WNK1: variants seen among roughly 807,000 people sequenced by gnomAD.
The protein encoded by WNK1 is WNK lysine deficient protein kinase 1, also known as serine/threonine-protein kinase WNK1.
WNK1 carries 38 observed loss-of-function variants against 222.8 expected under a neutral mutation model. The observed-to-expected ratio is 0.17, with a 90% CI of 0.13 to 0.22. WNK1 has a LOEUF of 0.22. Ranked by LOEUF, WNK1 falls within the 10% of genes least tolerant of loss-of-function variation. WNK1 has a pLI of 1.00. For synonymous variants in WNK1, 1,090 were observed against 1,092.9 expected (o/e 1.00, Z 0.05); for missense variants, 2,348 against 2,918.4 (o/e 0.80, Z 4.50).
intron 8 of WNK1, among the ~76,000 whole-genome samples, chr12:870,267 A>G (rs1565553273): frequency 6.6e-6 from 1 of 152,206 alleles, no homozygotes; most frequent in Non-Finnish European, 1.5e-5. Context: ...GTATATTCAC[A>G]TCAGTATTCA....
At position 804,960 on chromosome 12, in the gene WNK1, TATA is replaced by T. The variant is rs1327861160; in HGVS notation, c.760-8679_760-8677del. On this transcript the variant is annotated intron_variant, in intron 1 of 27. Coordinates refer to ENST00000315939, the MANE Select transcript of WNK1 (RefSeq NM_018979.4). The stretch of plus-strand genomic sequence containing the variant: ...AATATTATATATATATAATATAAAA[TATA>T]ATTAATATTTTAATATTAAATAATA... Among the ~76,000 whole-genome samples, 23 of 147,920 alleles carry T rather than the reference TATA, an allele frequency of 1.6e-4. No homozygotes were observed. In the East Asian group the frequency reaches 3.1e-3, roughly 20 times the overall value.
chr12:883,286 C>A, intron 15 of WNK1, 109 bp from the exon 16 acceptor site: 1 of 1,333,760 alleles, frequency 7.5e-7, no homozygotes, highest in Non-Finnish European at 1.1e-6. Context: ...AACTTGAGTA[C>A]AAAATAAATA....
rs144191944 is a variant in WNK1 at position 776,524 on chromosome 12, A to G, written c.759+22200A>G. Among the ~76,000 whole-genome samples the G allele has an allele frequency of 3.7e-3, 541 of 147,490 alleles. 3 individuals are homozygous for G. The highest frequency in any genetic ancestry group is 0.013 in the African/African-American group (505 of 40,000). ...TGGCTCACTGCAACCTCCACCTCCC[A>G]GGTTCAAGCGATTCTTCTGCTTCAG... On this transcript the variant is annotated intron_variant, in intron 1 of 27. Coordinates refer to ENST00000315939, the MANE Select transcript of WNK1 (RefSeq NM_018979.4).
rs1950420510 is a variant in WNK1, at chr12:851,558, A to G, written c.1312-5603A>G. ...ATTCCTGTCTGAGAGTTGGGGAAGC[A>G]TGGCTAGTGTTAAACAAGAAACTGT... On this transcript the variant is annotated intron_variant, in intron 4 of 27. Transcript: ENST00000315939. The G allele has an allele frequency of 3.4e-6, 4 of 1,180,462 alleles. No homozygotes were observed. The South Asian group carries it at 6.6e-5, about 20-fold the overall frequency. The allele number at this position is 1,180,462 out of a possible 1,614,324, so 73.1% of individuals were successfully genotyped here. A position where few individuals can be genotyped will look rare whatever the true frequency, so the allele number is the denominator to read the frequency against.
At chr12:783,233 A>T (rs1471045189) in intron 1 of WNK1, among the ~76,000 whole-genome samples, 1 of 152,210 alleles carries the variant, frequency 6.6e-6, no homozygotes, top group African/African-American at 2.4e-5. Context: ...TTCAGCATAT[A>T]ATCAGTATAA....
chr12:885,011 G>C lies in WNK1; in HGVS notation c.4207G>C (p.Val1403Leu), dbSNP rs1355900026. Residue 1403 changes from valine to leucine, a missense_variant, in exon 19 of 28, where the codon GTG becomes CTG. Coordinates refer to ENST00000315939, the MANE Select transcript of WNK1 (RefSeq NM_018979.4). Reference protein sequence around the residue: ...VTSGGLPIPPVSESPVLSSVV... With the variant: ...VTSGGLPIPPLSESPVLSSVV... ...TTCAGGTGGTCTCCCCATACCACCT[G>C]TGTCTGAATCACCAGTACTTTCCAG... is the stretch of plus-strand genomic sequence containing the variant. 6.2e-7 allele frequency: 1 copy of C among 1,614,220 alleles called. No homozygotes were observed. The highest frequency in any genetic ancestry group is 1.3e-5 in the African/African-American group (1 of 75,046).
chr12:883,710 T>C lies in WNK1; in HGVS notation c.3664-64T>C, dbSNP rs1290680144. On this transcript the variant is annotated intron_variant, in intron 16 of 27. Transcript: ENST00000315939. Reference sequence around the variant, plus strand: ...TTTATGTTCTCTTCACATGTGGCAGTTTGCTTTGCCTAGTCATTGAGATTG... The same window carrying C: ...TTTATGTTCTCTTCACATGTGGCAGCTTGCTTTGCCTAGTCATTGAGATTG... The C allele has an allele frequency of 6.9e-6, 11 of 1,605,838 alleles. No homozygotes were observed. The Admixed American group carries it at 1.8e-4, about 27-fold the overall frequency.
rs551835019 is a variant in WNK1, at chr12:803,826, A to G, written c.760-9816A>G. ...ACATATATATATTCCACATTTCTGTATGCTTGAAAACATTTATGTAAATTT... is the reference window on the plus strand; with the variant it reads ...ACATATATATATTCCACATTTCTGTGTGCTTGAAAACATTTATGTAAATTT... On this transcript the variant is annotated intron_variant, in intron 1 of 27. Coordinates refer to ENST00000315939, the MANE Select transcript of WNK1 (RefSeq NM_018979.4). Among the ~76,000 whole-genome samples, 3 of 152,362 alleles carry G rather than the reference A, an allele frequency of 2.0e-5. No homozygotes were observed. In the South Asian group the frequency reaches 6.2e-4, roughly 32 times the overall value.
rs1022526028 is a variant in WNK1, at chr12:828,080, T to C, written c.1153+818T>C. Among the ~76,000 whole-genome samples, 11 of 151,780 alleles carry C rather than the reference T, an allele frequency of 7.2e-5. 1 individual carries two copies. Among genetic ancestry groups the C allele is most frequent in the Non-Finnish European group, 8.8e-5 (6 of 67,938 alleles). On this transcript the variant is annotated intron_variant, in intron 3 of 27. Coordinates refer to ENST00000315939, the MANE Select transcript of WNK1 (RefSeq NM_018979.4). ...TGGGAGGCTGAGGTGGGAGGGTCAC[T>C]TGAGGTCAGGAGTTTGAGACCAGTC...
At chr12:836,199 T>C (rs576288025) in intron 4 of WNK1, among the ~76,000 whole-genome samples, 1 of 152,118 alleles carries the variant, frequency 6.6e-6, no homozygotes, top group African/African-American at 2.4e-5. Flanking sequence ...ATAACAAAAG[T>C]TGTAGTGGAT....
rs1052728656 is a variant in WNK1 at position 868,696 on chromosome 12, C to A, written c.2140-2569C>A. 1.9e-6 allele frequency: 3 copies of A among 1,613,770 alleles called. No individual in the cohort carries two copies. The African/African-American group carries it at 4.0e-5, about 22-fold the overall frequency. On this transcript the variant is annotated intron_variant, in intron 8 of 27. Transcript: ENST00000315939. ...GTGGAATTTTACCTCAGCGTGTTTA[C>A]CGAAATCGGCAGGTTGCAGTGGACT...
intron 6 of WNK1, 45 bp downstream of exon 6, chr12:859,509 T>A: frequency 1.4e-6 from 2 of 1,418,370 alleles, no homozygotes; most frequent in Non-Finnish European, 2.0e-6. Context: ...GACTTATATA[T>A]ATCAATACTA....
intron 1 of WNK1, among the ~76,000 whole-genome samples, chr12:754,894 G>A (rs1939759315): frequency 6.6e-6 from 1 of 152,218 alleles, no homozygotes; most frequent in Non-Finnish European, 1.5e-5. Flanking sequence ...AAGCCTTACA[G>A]TAGCAGCATT....
At chr12:851,722 A>G (rs947617756) in intron 4 of WNK1, 10 of 1,344,194 alleles carry the variant, frequency 7.4e-6, no homozygotes, top group Non-Finnish European at 8.8e-6. Context: ...ATTTTTGCTC[A>G]GTATTTGTCA....
At chr12:834,457 G>T (rs1949031090) in intron 4 of WNK1, among the ~76,000 whole-genome samples, 1 of 152,156 alleles carries the variant, frequency 6.6e-6, no homozygotes, top group Non-Finnish European at 1.5e-5. Context: ...AAATCATGGT[G>T]GGTGGTGGTG....
chr12:897,495 C>G lies in WNK1; in HGVS notation c.6262C>G (p.Gln2088Glu), dbSNP rs144438463. Residue 2088 changes from glutamine (Q) to glutamate (E), a missense_variant, in exon 25 of 28, where the codon CAG (glutamine) becomes GAG (glutamate). Gln to Glu is a conservative substitution (Grantham distance 29). Coordinates refer to ENST00000315939, the MANE Select transcript of WNK1 (RefSeq NM_018979.4). Reference protein sequence around the residue: ...RLRDKHLKEIQDLQSRQKHEI... With the variant: ...RLRDKHLKEIEDLQSRQKHEI... ...CTTTCACAGACATCTCAAAGAGATT[C>G]AGGACCTGCAGAGTCGCCAGAAGCA... The G allele has an allele frequency of 6.2e-7, 1 of 1,600,014 alleles. No individual in the cohort carries two copies. The highest frequency in any genetic ancestry group is 1.3e-5 in the African/African-American group (1 of 74,634).
chr12:881,784 A>G lies in WNK1; in HGVS notation c.3204A>G (p.Val1068=). 1.2e-6 allele frequency: 2 copies of G among 1,614,198 alleles called. No individual in the cohort carries two copies. The highest frequency in any genetic ancestry group is 2.2e-5 in the East Asian group (1 of 44,886). Residue 1068 remains valine, a synonymous_variant, in exon 13 of 28, where the codon GTA becomes GTG. Coordinates refer to ENST00000315939, the MANE Select transcript of WNK1 (RefSeq NM_018979.4). ...ATQPTTLASS[V]DSAHSDVASG... is the part of the protein sequence containing the mutation. ...AGCCGACCACTTTGGCTTCCTCTGTAGACAGGTACGTAAAACTAGAATTCT... is the reference window on the plus strand; with the variant it reads ...AGCCGACCACTTTGGCTTCCTCTGTGGACAGGTACGTAAAACTAGAATTCT...
Position 878,248 on chromosome 12 carries a change from A to G in WNK1, c.2260A>G (p.Thr754Ala). The part of the protein sequence containing the change: ...GIQQTAPPQQ[T>A]VQYSLSQTST... ...ACAGCAGACAGCCCCTCCTCAACAG[A>G]CAGTGCAGTATTCACTTTCACAGAC... is the stretch of plus-strand genomic sequence containing the variant. The change falls in exon 10 of 28, where the codon ACA becomes GCA. Residue 754 changes from threonine to alanine, a missense_variant. Thr to Ala is a moderately conservative substitution (Grantham distance 58). This residue lies in a region of WNK1 where 547 missense variants were observed against 558.3 expected (regional missense o/e 0.98). Coordinates refer to ENST00000315939, the MANE Select transcript of WNK1 (RefSeq NM_018979.4). 1 of 1,614,182 alleles carries G rather than the reference A, an allele frequency of 6.2e-7. No individual in the cohort carries two copies.
At chr12:796,252 A>G (rs1256397668) in intron 1 of WNK1, among the ~76,000 whole-genome samples, 3 of 152,136 alleles carry the variant, frequency 2.0e-5, no homozygotes, top group Non-Finnish European at 4.4e-5. Context: ...GCCTTCAAAT[A>G]ATATTCTACC....
Sources: allele counts gnomAD v4.1 joint callset (sites outside exome capture counted in the v4.1 genomes callset), GRCh38; gene constraint gnomAD v4.1.1; regional missense constraint gnomAD v4.1.1; transcripts MANE v1.5; gene names NCBI Gene and HGNC (gene_info 2026-07-23, HGNC 2026-07-21).